ERI3: variants seen among roughly 807,000 people sequenced by gnomAD.
ERI3 encodes the protein ERI1 exoribonuclease family member 3, also known as ERI1 exoribonuclease 3.
In ERI3, 18 loss-of-function variants were observed where a neutral mutation model predicts 44.4. That is an observed-to-expected ratio of 0.41 (90% CI 0.28 to 0.60). ERI3 has a LOEUF of 0.60. Among genes scored for constraint, ERI3 ranks in the 20% least tolerant of loss-of-function variants. ERI3 has a pLI of 0.36. For missense variants in ERI3, 294 were observed against 435.5 expected (o/e 0.68, Z 2.89); for synonymous variants, 183 against 164.8 (o/e 1.11, Z -0.84).
At chr1:44,281,513 G>A (rs547583935) in intron 7 of ERI3, among the ~76,000 whole-genome samples, 2 of 150,198 alleles carry the variant, frequency 1.3e-5, no homozygotes, top group African/African-American at 4.9e-5. Context: ...ATCTGAGCCC[G>A]GGAGTTCAAG....
At chr1:44,320,411 ATT>A (rs1200036070) in intron 3 of ERI3, among the ~76,000 whole-genome samples, 7 of 152,116 alleles carry the variant, frequency 4.6e-5, no homozygotes, top group Non-Finnish European at 1.0e-4. Flanking sequence ...AGGAGTGACA[ATT>A]TGTTTGGTGT....
At chr1:44,335,277 A>G (rs1197502658) in intron 3 of ERI3, among the ~76,000 whole-genome samples, 1 of 151,860 alleles carries the variant, frequency 6.6e-6, no homozygotes, top group African/African-American at 2.4e-5. Context: ...CAGGAGGTTG[A>G]GGCTGAAGGT....
rs1427766635 is a variant in ERI3, at chr1:44,355,201, G to A, written c.-175C>T. 4 of 1,195,766 alleles carry A rather than the reference G, an allele frequency of 3.3e-6. No individual in the cohort carries two copies. Among genetic ancestry groups the A allele is most frequent in the African/African-American group, 1.6e-5 (1 of 63,000 alleles). The allele number at this position is 1,195,766 out of a possible 1,614,324, so 74.1% of individuals were successfully genotyped here. ...CAGCTCCGCCCGCTCCCCACCGCCC[G>A]TTCCCGGCCGCCTGAACAGCGGCAG... is the stretch of plus-strand genomic sequence containing the variant. On this transcript the variant is annotated 5_prime_UTR_variant, in exon 1 of 9. The change creates a new upstream start codon in the 5' untranslated region. Coordinates refer to ENST00000372257, the MANE Select transcript of ERI3 (RefSeq NM_024066.3).
chr1:44,269,523 C>T (rs78321548), intron 7 of ERI3, among the ~76,000 whole-genome samples: 7,027 of 152,292 alleles, frequency 0.046, 180 homozygotes, highest in African/African-American at 0.065. Context: ...CACAGACCTC[C>T]CCAATTGGGT....
At position 44,252,438 on chromosome 1, in the gene ERI3, G is replaced by A. The variant is rs376369256; in HGVS notation, c.832-4400C>T. On this transcript the variant is annotated intron_variant, in intron 7 of 8. Transcript: ENST00000372257. This position sits in a 1 kb window ranked among gnomAD's most constrained non-coding sequence, Gnocchi z 4.7. ...TGCCGCATAGCCCTGCTGTAGGTGC[G>A]GCGGGTGGCCCCCTGTGTAACAGGG... Among the ~76,000 whole-genome samples the A allele has an allele frequency of 5.3e-5, 8 of 152,230 alleles. No homozygotes were observed. The highest frequency in any genetic ancestry group is 2.6e-4 in the Admixed American group (4 of 15,290).
At position 44,228,139 on chromosome 1, in the gene ERI3, C is replaced by T. The variant is rs966768325; in HGVS notation, c.932-6499G>A. Among the ~76,000 whole-genome samples, 7 of 151,934 alleles carry T rather than the reference C, an allele frequency of 4.6e-5. No individual in the cohort carries two copies. Among genetic ancestry groups the T allele is most frequent in the Non-Finnish European group, 7.4e-5 (5 of 68,008 alleles). ...CCACTTCCTAGACACACACTCCCTT[C>T]TCCCCACAGCCATGGCTCCCATAGC... On this transcript the variant is annotated intron_variant, in intron 8 of 8. Coordinates refer to ENST00000372257, the MANE Select transcript of ERI3 (RefSeq NM_024066.3). This position sits in a 1 kb window ranked among gnomAD's most constrained non-coding sequence, Gnocchi z 4.3.
chr1:44,282,296 C>T (rs1331811029), intron 7 of ERI3, among the ~76,000 whole-genome samples: 1 of 152,058 alleles, frequency 6.6e-6, no homozygotes, highest in Admixed American at 6.6e-5. Context: ...CAGACCAGGA[C>T]CTTTCCCACC....
intron 6 of ERI3, among the ~76,000 whole-genome samples, chr1:44,301,541 C>A (rs1157039238): frequency 6.6e-6 from 1 of 152,218 alleles, no homozygotes; most frequent in Non-Finnish European, 1.5e-5. Flanking sequence ...CAAATATGTA[C>A]TGCCACAGGG....
Position 44,322,925 on chromosome 1 carries a change from T to C in ERI3, c.490-3181A>G. On this transcript the variant is annotated intron_variant, in intron 3 of 8. Coordinates refer to ENST00000372257, the MANE Select transcript of ERI3 (RefSeq NM_024066.3). The stretch of plus-strand genomic sequence containing the variant: ...ATGGAACCCCAACACTACAGGTTAG[T>C]GGCATTAATCCCAACACAAAGATTT... The C allele has an allele frequency of 6.8e-6, 10 of 1,476,004 alleles. No homozygotes were observed. The South Asian group carries it at 1.4e-4, about 20-fold the overall frequency. The allele number at this position is 1,476,004 out of a possible 1,614,324, so 91.4% of individuals were successfully genotyped here. A position where few individuals can be genotyped will look rare whatever the true frequency, so the allele number is the denominator to read the frequency against.
intron 8 of ERI3, among the ~76,000 whole-genome samples, chr1:44,222,438 T>A (rs1643923635): frequency 6.6e-6 from 1 of 152,236 alleles, no homozygotes; most frequent in Non-Finnish European, 1.5e-5. Flanking sequence ...TTTCTGCCCA[T>A]ACCTCATGTG....
intron 7 of ERI3, among the ~76,000 whole-genome samples, chr1:44,277,980 T>C (rs1190510290): frequency 1.3e-5 from 2 of 152,230 alleles, no homozygotes; most frequent in Non-Finnish European, 2.9e-5. Flanking sequence ...TAGAATTTTC[T>C]AGCAGCCGCA....
intron 7 of ERI3, among the ~76,000 whole-genome samples, chr1:44,255,905 C>T (rs1644769923): frequency 6.6e-6 from 1 of 152,202 alleles, no homozygotes; most frequent in Admixed American, 6.5e-5. Flanking sequence ...CCTTCTCCCA[C>T]ATTTTGTCCT....
chr1:44,255,944 T>C (rs1346090644), intron 7 of ERI3, among the ~76,000 whole-genome samples: 1 of 152,174 alleles, frequency 6.6e-6, no homozygotes. Flanking sequence ...TCTTTCAACA[T>C]TCAATTCAAA....
chr1:44,328,779 G>GGTACTGACC (rs1646368298), intron 3 of ERI3, among the ~76,000 whole-genome samples: 1 of 152,150 alleles, frequency 6.6e-6, no homozygotes, highest in African/African-American at 2.4e-5. Context: ...GACCAAATGA[G>GGTACTGACC]AATCAGAGCC....
intron 7 of ERI3, among the ~76,000 whole-genome samples, chr1:44,251,932 G>A (rs573060013): frequency 1.3e-5 from 2 of 152,338 alleles, no homozygotes; most frequent in East Asian, 3.9e-4. Context: ...ATCTTGATCA[G>A]TGTGGGGCAG....
chr1:44,344,710 T>C (rs1646750116), intron 2 of ERI3, among the ~76,000 whole-genome samples: 1 of 152,216 alleles, frequency 6.6e-6, no homozygotes, highest in Admixed American at 6.5e-5. Flanking sequence ...CAAAAGAAAG[T>C]TTATGATTCT....
chr1:44,319,249 C>T (rs1646151261), intron 4 of ERI3, among the ~76,000 whole-genome samples: 1 of 152,234 alleles, frequency 6.6e-6, no homozygotes, highest in African/African-American at 2.4e-5. Context: ...TGCCAGAAAG[C>T]TAAGAAGGCC....
chr1:44,331,336 G>A (rs1446031194), intron 3 of ERI3, among the ~76,000 whole-genome samples: 1 of 151,850 alleles, frequency 6.6e-6, no homozygotes, highest in Non-Finnish European at 1.5e-5. Context: ...GAAGGTGAAG[G>A]GGAGGCGTCA....
At chr1:44,285,356 G>A (rs56413764) in intron 6 of ERI3, among the ~76,000 whole-genome samples, 11,377 of 152,218 alleles carry the variant, frequency 0.075, 1,322 homozygotes, top group African/African-American at 0.25. Context: ...CAAAGCGTAT[G>A]TTCTTTCTAT....
Sources: gnomAD v4.1 joint callset for allele counts (sites outside exome capture counted in the v4.1 genomes callset) on GRCh38, gnomAD v4.1.1 for gene constraint, Gnocchi (gnomAD v3.1) non-coding constraint, MANE v1.5 for transcripts, NCBI Gene and HGNC (gene_info 2026-07-23, HGNC 2026-07-21) for gene names.